RMP64: variants seen among roughly 807,000 people sequenced by gnomAD.
RMP64 encodes ribonuclease MRP subunit p64, also known as nucleolus and neural progenitor protein.
the RMP64 span, chr3:113,004,432 G>C: frequency 6.6e-6 from 1 of 152,208 alleles, no homozygotes; most frequent in Non-Finnish European, 1.5e-5. Flanking sequence ...AAGGCAGACA[G>C]GGAAAGAACA....
At chr3:113,011,213 T>C in the RMP64 span, 3 of 1,613,008 alleles carry the variant, frequency 1.9e-6, no homozygotes, top group East Asian at 4.5e-5. Flanking sequence ...TTTATTCCTT[T>C]AGCTGCAAAA....
At chr3:113,013,448 A>G in the RMP64 span, 389 of 1,446,928 alleles carry the variant, frequency 2.7e-4, 3 homozygotes, top group South Asian at 4.3e-3. Flanking sequence ...TTAAAAAAAA[A>G]GGGTTTTTTT....
the RMP64 span, chr3:113,005,651 A>C: frequency 6.2e-7 from 1 of 1,613,758 alleles, no homozygotes; most frequent in Non-Finnish European, 8.5e-7. Flanking sequence ...ATTTTCATGG[A>C]TGCCTCTAAG....
the RMP64 span, chr3:113,009,526 T>C: frequency 1.3e-5 from 2 of 152,052 alleles, no homozygotes; most frequent in African/African-American, 4.8e-5. Context: ...GCTGCAGAAG[T>C]TTCAAGGTTC....
At chr3:113,012,758 A>G in the RMP64 span, 3 of 1,606,508 alleles carry the variant, frequency 1.9e-6, no homozygotes, top group Non-Finnish European at 1.7e-6. Flanking sequence ...CAGCCCAACC[A>G]TCACAAGGTT....
the RMP64 span, chr3:113,015,107 A>G: frequency 1.3e-5 from 2 of 152,246 alleles, no homozygotes; most frequent in East Asian, 1.9e-4. Flanking sequence ...GCCAGTATCA[A>G]TGCCCATCCA....
chr3:113,008,638 T>A, the RMP64 span: 2 of 392,460 alleles, frequency 5.1e-6, no homozygotes, highest in Non-Finnish European at 4.6e-6. Context: ...TATATATACC[T>A]GCTACGTACC....
At chr3:113,003,059 T>A in the RMP64 span, 1 of 152,384 alleles carries the variant, frequency 6.6e-6, no homozygotes, top group Admixed American at 6.5e-5. Context: ...CCATCAGAAG[T>A]GATAAAGTTG....
the RMP64 span, chr3:113,002,582 AAGTCACCTCCTC>A: frequency 1.3e-5 from 2 of 152,406 alleles, no homozygotes; most frequent in African/African-American, 4.8e-5. Flanking sequence ...TGAGACACTG[AAGTCACCTCCTC>A]AGGGAAAGGC....
At chr3:113,012,571 T>A in the RMP64 span, 7 of 498,656 alleles carry the variant, frequency 1.4e-5, no homozygotes, top group African/African-American at 7.8e-5. Flanking sequence ...CCATCAGCAC[T>A]CGGCTTCCCA....
At chr3:113,005,907 T>C in the RMP64 span, 1 of 1,613,816 alleles carries the variant, frequency 6.2e-7, no homozygotes, top group Non-Finnish European at 8.5e-7. Context: ...TTCTGTGATC[T>C]TCTCTGTCTC....
chr3:113,017,512 C>T, the RMP64 span: 1 of 1,614,106 alleles, frequency 6.2e-7, no homozygotes, highest in Non-Finnish European at 8.5e-7. Flanking sequence ...AAGGACTGCA[C>T]ATAACACATC....
At chr3:113,017,692 A>C in the RMP64 span, 1 of 1,233,798 alleles carries the variant, frequency 8.1e-7, no homozygotes, top group Non-Finnish European at 1.1e-6. Context: ...ATCTTTCCTT[A>C]TTTGTTTTAA....
the RMP64 span, among the ~76,000 whole-genome samples, chr3:113,008,014 C>A: frequency 6.6e-6 from 1 of 152,166 alleles, no homozygotes; most frequent in Non-Finnish European, 1.5e-5. Context: ...TTTGCTCTTA[C>A]AATAAAAGCA....
chr3:113,005,161 G>GCT, the RMP64 span: 1 of 230,310 alleles, frequency 4.3e-6, no homozygotes, highest in South Asian at 7.0e-5. Context: ...TCCCACCCCC[G>GCT]CTCCTCATTT....
the RMP64 span, chr3:113,006,113 C>G: frequency 6.6e-6 from 5 of 759,808 alleles, no homozygotes; most frequent in East Asian, 1.1e-4. Flanking sequence ...TCTACAAGTC[C>G]TATGCCTGTG....
chr3:113,016,812 T>C, the RMP64 span, among the ~76,000 whole-genome samples: 1 of 152,204 alleles, frequency 6.6e-6, no homozygotes, highest in Non-Finnish European at 1.5e-5. Context: ...ACACAATGGA[T>C]AGCCTTCTGA....
chr3:113,008,960 G>A, the RMP64 span, among the ~76,000 whole-genome samples: 14 of 152,172 alleles, frequency 9.2e-5, no homozygotes, highest in Non-Finnish European at 1.9e-4. Context: ...TACACCACCA[G>A]ATTATCACGA....
chr3:113,005,623 C>T, the RMP64 span: 31 of 1,613,752 alleles, frequency 1.9e-5, no homozygotes, highest in Non-Finnish European at 2.4e-5. Flanking sequence ...TTTGCATCAC[C>T]GTCCACGAAT....
Sources: allele counts gnomAD v4.1 joint callset (sites outside exome capture counted in the v4.1 genomes callset), GRCh38; gene constraint gnomAD v4.1.1; transcripts MANE v1.5; gene names NCBI Gene and HGNC (gene_info 2026-07-23, HGNC 2026-07-21).